UNC45A: variants seen among roughly 807,000 people sequenced by gnomAD.
UNC45A encodes the protein unc-45 myosin chaperone A, also known as protein unc-45 homolog A.
UNC45A carries 78 observed loss-of-function variants against 103.2 expected under a neutral mutation model. The observed-to-expected ratio is 0.76, with a 90% CI of 0.63 to 0.91. UNC45A has a LOEUF of 0.91. Among genes scored for constraint, UNC45A ranks in the 40% least tolerant of loss-of-function variants. The probability of loss-of-function intolerance (pLI) is 0.00; values close to 1 mark genes in which losing one functional copy is unlikely to be tolerated. For missense variants in UNC45A, 1,193 were observed against 1,224.8 expected (o/e 0.97, Z 0.39); for synonymous variants, 495 against 504.6 (o/e 0.98, Z 0.25).
upstream of UNC45A, chr15:90,932,317 C>A: frequency 1.2e-6 from 1 of 801,792 alleles, no homozygotes; most frequent in Non-Finnish European, 1.9e-6. Context: ...CGGTATATCG[C>A]ACTAAGCTTG....
intron 8 of UNC45A, among the ~76,000 whole-genome samples, chr15:90,943,651 G>C (rs2036407702): frequency 6.6e-6 from 1 of 151,866 alleles, no homozygotes; most frequent in Admixed American, 6.6e-5. Flanking sequence ...CATTGAGCGG[G>C]CCTGCAAGCA....
In UNC45A at chr15:90,935,320, C is replaced by T. The variant is rs1297218648; in HGVS notation, c.-5C>T. 1 of 1,603,582 alleles carries T rather than the reference C, an allele frequency of 6.2e-7. No homozygotes were observed. Among genetic ancestry groups the T allele is most frequent in the Non-Finnish European group, 8.5e-7 (1 of 1,176,732 alleles). On this transcript the variant is annotated 5_prime_UTR_variant, in exon 1 of 20. Coordinates refer to ENST00000418476, the MANE Select transcript of UNC45A (RefSeq NM_018671.5). ...CCTGCGCGGGCACGAGACAACCTCT[C>T]CGCGATGACTGTGAGTGGTCCAGGG...
chr15:90,947,761 C>T (rs752464235), intron 10 of UNC45A, 35 bp from the exon 11 acceptor site: 29 of 1,550,552 alleles, frequency 1.9e-5, no homozygotes, highest in Non-Finnish European at 1.8e-6. Context: ...TGCCTCCTTC[C>T]CCAGAGGCCA....
At chr15:90,942,736 T>A in intron 7 of UNC45A, 131 bp downstream of exon 7, 1 of 1,520,672 alleles carries the variant, frequency 6.6e-7, no homozygotes, top group Non-Finnish European at 9.0e-7. Flanking sequence ...TTGGTGACAT[T>A]ATTTTACTCT....
chr15:90,945,791 C>T (rs1393557019), intron 9 of UNC45A, among the ~76,000 whole-genome samples: 1 of 151,236 alleles, frequency 6.6e-6, no homozygotes, highest in Admixed American at 6.6e-5. Context: ...CACCACCACG[C>T]CTGGCTAATT....
At chr15:90,933,272 G>C (rs1231688092), upstream of UNC45A, 1 of 152,334 alleles carries the variant, frequency 6.6e-6, no homozygotes, top group African/African-American at 2.4e-5. Flanking sequence ...GGCATCTTCT[G>C]TGGGCCCCTG....
chr15:90,934,199 G>C, upstream of UNC45A: 1 of 399,612 alleles, frequency 2.5e-6, no homozygotes, highest in Non-Finnish European at 4.4e-6. Context: ...CTATTCCTGG[G>C]AACTGGAACT....
At chr15:90,943,258 C>A (rs1300671007) in intron 8 of UNC45A, among the ~76,000 whole-genome samples, 176 bp downstream of exon 8, 1 of 151,738 alleles carries the variant, frequency 6.6e-6, no homozygotes, top group Non-Finnish European at 1.5e-5. Flanking sequence ...GAGACCCTGT[C>A]TCTATGAAAA....
At chr15:90,932,118 G>A (rs766364799), upstream of UNC45A, 4 of 1,584,698 alleles carry the variant, frequency 2.5e-6, no homozygotes, top group Non-Finnish European at 3.4e-6. Context: ...CACCTGACGG[G>A]GAGGGGCAAA....
intron 3 of UNC45A, 109 bp from the exon 4 acceptor site, chr15:90,936,176 C>G (rs1417094477): frequency 1.3e-6 from 2 of 1,526,330 alleles, no homozygotes; most frequent in South Asian, 2.6e-5. Context: ...CCGAGCCCCA[C>G]ATTCGTCCCC....
rs530398826 is a variant in UNC45A, at chr15:90,942,232, A to T, written c.688-205A>T. 2.6e-4 allele frequency among the ~76,000 whole-genome samples: 39 copies of T among 152,270 alleles called. No individual in the cohort carries two copies. The East Asian group carries it at 7.1e-3, about 28-fold the overall frequency. On this transcript the variant is annotated intron_variant, in intron 6 of 19. Transcript: ENST00000418476. Reference sequence around the variant, plus strand: ...GAGAGGTAGTAGGGCATTGCCGTGTAATGTCTCCTTTAGGAAATCTTTCTA... The same window carrying T: ...GAGAGGTAGTAGGGCATTGCCGTGTTATGTCTCCTTTAGGAAATCTTTCTA...
chr15:90,935,733 G>A (rs369109866), intron 2 of UNC45A, 28 bp downstream of exon 2: 2 of 1,532,028 alleles, frequency 1.3e-6, no homozygotes, highest in African/African-American at 2.8e-5. Flanking sequence ...TCTTCCCCTC[G>A]CCCGCCCGGG....
intron 18 of UNC45A, 27 bp downstream of exon 18, chr15:90,953,073 C>T (rs1204160947): frequency 1.2e-6 from 2 of 1,613,314 alleles, no homozygotes; most frequent in African/African-American, 2.7e-5. Context: ...GTGCTCATGA[C>T]AGGCGGGGAT....
At chr15:90,947,113 C>T (rs1234116145) in intron 10 of UNC45A, 199 bp downstream of exon 10, 15 of 624,446 alleles carry the variant, frequency 2.4e-5, no homozygotes, top group Admixed American at 6.0e-5. Context: ...CACTTGAGCT[C>T]AGGAGGTTGA....
chr15:90,947,684 G>A (rs2036643419), intron 10 of UNC45A, 112 bp from the exon 11 acceptor site: 4 of 715,754 alleles, frequency 5.6e-6, no homozygotes, highest in South Asian at 3.2e-5. Flanking sequence ...TGTCTGTGTA[G>A]CTTCCAGGGG....
chr15:90,953,296 C>T lies in UNC45A; in HGVS notation c.2563C>T (p.Arg855Cys). The T allele has an allele frequency of 6.8e-6, 11 of 1,609,718 alleles. No individual in the cohort carries two copies. Among genetic ancestry groups the T allele is most frequent in the South Asian group, 1.1e-5 (1 of 90,506 alleles). Reference sequence around the variant, plus strand: ...CTCCATGCGGCCCACGCTCTGCAGCCGCATTCCCCAAGTGGTCAGTGCCTC... The same window carrying T: ...CTCCATGCGGCCCACGCTCTGCAGCTGCATTCCCCAAGTGGTCAGTGCCTC... ...LTSMRPTLCS[R>C]IPQVTTHWLE... Residue 855 changes from arginine (R) to cysteine (C), a missense_variant, in exon 19 of 20, where the codon CGC becomes TGC. Physicochemically the swap from Arg to Cys is radical, Grantham distance 180. Transcript: ENST00000418476.
upstream of UNC45A, chr15:90,931,399 G>C (rs1408249744): frequency 1.9e-6 from 3 of 1,580,088 alleles, no homozygotes; most frequent in Admixed American, 5.5e-5. Context: ...TCGATGTTCT[G>C]ACCATCCTGC....
intron 10 of UNC45A, chr15:90,947,233 A>G (rs2036621496): frequency 2.9e-6 from 1 of 339,362 alleles, no homozygotes; most frequent in Admixed American, 4.1e-5. Flanking sequence ...TTGTGGTGAG[A>G]GACATCGGCA....
At chr15:90,942,387 C>T in intron 6 of UNC45A, 50 bp from the exon 7 acceptor site, 3 of 1,553,854 alleles carry the variant, frequency 1.9e-6, no homozygotes, top group Non-Finnish European at 2.6e-6. Context: ...ATCTCTGTGG[C>T]TGCCCTTCAA....
Sources: allele counts gnomAD v4.1 joint callset (sites outside exome capture counted in the v4.1 genomes callset), GRCh38; gene constraint gnomAD v4.1.1; transcripts MANE v1.5; gene names NCBI Gene and HGNC (gene_info 2026-07-23, HGNC 2026-07-21).